Variants in GRID2 observed in about 807,000 individuals in gnomAD.
The protein encoded by GRID2 is glutamate receptor ionotropic, delta-2.
Under a neutral mutation model 114.8 loss-of-function variants are expected in GRID2, and 33 were observed. The observed-to-expected ratio is 0.29, with a 90% CI of 0.22 to 0.38. The LOEUF (loss-of-function observed/expected upper bound fraction) is 0.38, where lower values mean the gene tolerates loss of function less well. Ranked by LOEUF, GRID2 falls within the 10% of genes least tolerant of loss-of-function variation. GRID2 has a pLI of 1.00. For missense variants in GRID2, 1,184 were observed against 1,257.7 expected (o/e 0.94, Z 0.89); for synonymous variants, 505 against 449.9 (o/e 1.12, Z -1.55).
At chr4:92,590,428 T>G in intron 2 of GRID2, 142 bp downstream of exon 2, 1 of 590,154 alleles carries the variant, frequency 1.7e-6, no homozygotes, top group African/African-American at 1.9e-5. Context: ...GATCACTGTT[T>G]TGTAGATGTT....
intron 2 of GRID2, among the ~76,000 whole-genome samples, chr4:92,793,218 C>T (rs187919565): frequency 6.6e-6 from 1 of 151,762 alleles, no homozygotes; most frequent in African/African-American, 2.4e-5. Flanking sequence ...CTTTCACATC[C>T]TATGGTTGTG....
intron 1 of GRID2, among the ~76,000 whole-genome samples, chr4:92,544,360 C>T (rs991112472): frequency 1.3e-5 from 2 of 152,084 alleles, no homozygotes; most frequent in Non-Finnish European, 2.9e-5. Flanking sequence ...TTGAGTCGTA[C>T]AACTGGTATT....
At chr4:93,246,455 C>T (rs575621471) in intron 8 of GRID2, among the ~76,000 whole-genome samples, 6 of 151,614 alleles carry the variant, frequency 4.0e-5, no homozygotes, top group South Asian at 2.1e-4. Context: ...GGTGTGGTGG[C>T]GGGCACCTGC....
chr4:92,398,417 C>T (rs1368108776), intron 1 of GRID2, among the ~76,000 whole-genome samples: 1 of 152,212 alleles, frequency 6.6e-6, no homozygotes, highest in South Asian at 2.1e-4. Flanking sequence ...CCTCCTGCCT[C>T]GGCCTCCAGA....
chr4:93,430,601 A>G (rs1384051492), intron 10 of GRID2, among the ~76,000 whole-genome samples: 1 of 152,240 alleles, frequency 6.6e-6, no homozygotes, highest in African/African-American at 2.4e-5. Flanking sequence ...CATTTTGTTG[A>G]TGGTCTCTAT....
At chr4:92,332,353 T>C (rs899525482) in intron 1 of GRID2, among the ~76,000 whole-genome samples, 1 of 152,022 alleles carries the variant, frequency 6.6e-6, no homozygotes, top group Non-Finnish European at 1.5e-5. Context: ...CAGCATTAGA[T>C]CATTCATGAA....
At chr4:92,723,121 T>C (rs1735892723) in intron 2 of GRID2, among the ~76,000 whole-genome samples, 1 of 152,022 alleles carries the variant, frequency 6.6e-6, no homozygotes, top group Non-Finnish European at 1.5e-5. Flanking sequence ...CCCCCAAATA[T>C]CTTCATTTAT....
At chr4:93,632,717 T>C (rs1032760358) in intron 14 of GRID2, among the ~76,000 whole-genome samples, 2 of 152,158 alleles carry the variant, frequency 1.3e-5, no homozygotes, top group African/African-American at 2.4e-5. Flanking sequence ...TTTGGTTCCA[T>C]ATGAACTTTC....
intron 14 of GRID2, among the ~76,000 whole-genome samples, chr4:93,701,925 A>C (rs1356827148): frequency 1.3e-5 from 2 of 152,106 alleles, no homozygotes; most frequent in African/African-American, 4.8e-5. Context: ...AGATAATATA[A>C]TCAGTAATTA....
chr4:92,865,097 C>A (rs561001932), intron 2 of GRID2, among the ~76,000 whole-genome samples: 2 of 152,176 alleles, frequency 1.3e-5, no homozygotes, highest in Admixed American at 1.3e-4. Context: ...TGTCTTAACT[C>A]GAGTGAGGTT....
intron 13 of GRID2, among the ~76,000 whole-genome samples, chr4:93,621,133 A>T (rs934128506): frequency 2.0e-5 from 3 of 152,188 alleles, no homozygotes; most frequent in Admixed American, 1.3e-4. Context: ...AGTAAAATTG[A>T]ATTTAAACAA....
At chr4:93,703,722 A>G (rs1000598172) in intron 14 of GRID2, among the ~76,000 whole-genome samples, 3 of 134,314 alleles carry the variant, frequency 2.2e-5, no homozygotes, top group Admixed American at 8.8e-5. Context: ...TTCAATTCCC[A>G]CCTATGAGTG....
intron 2 of GRID2, among the ~76,000 whole-genome samples, chr4:92,775,680 C>T (rs1427190303): frequency 6.6e-6 from 1 of 152,086 alleles, no homozygotes; most frequent in Non-Finnish European, 1.5e-5. Context: ...ACCTAGACTA[C>T]CTGGCAAGAG....
chr4:92,521,520 T>C (rs191226132), intron 1 of GRID2, among the ~76,000 whole-genome samples: 1 of 152,122 alleles, frequency 6.6e-6, no homozygotes, highest in Non-Finnish European at 1.5e-5. Flanking sequence ...GAGCTATTAT[T>C]GTCCTTATCT....
intron 13 of GRID2, among the ~76,000 whole-genome samples, chr4:93,577,358 A>G (rs1184730814): frequency 6.6e-6 from 1 of 152,174 alleles, no homozygotes. Context: ...CCACTAAAAA[A>G]CCACAGTGAT....
chr4:93,213,081 G>T (rs1743751922), intron 5 of GRID2, among the ~76,000 whole-genome samples: 1 of 151,960 alleles, frequency 6.6e-6, no homozygotes, highest in South Asian at 2.1e-4. Context: ...CCAGTTTGGG[G>T]GGTTTTGTTG....
chr4:93,538,993 A>G (rs1732387077), intron 13 of GRID2, among the ~76,000 whole-genome samples: 1 of 151,820 alleles, frequency 6.6e-6, no homozygotes, highest in African/African-American at 2.4e-5. Flanking sequence ...AATGTAAGAT[A>G]TTAATATTAG....
chr4:93,126,743 G>A (rs982037294), intron 4 of GRID2, among the ~76,000 whole-genome samples: 11 of 150,098 alleles, frequency 7.3e-5, no homozygotes, highest in African/African-American at 2.7e-4. Flanking sequence ...GACTACAGGC[G>A]CCCGCTACCA....
chr4:92,989,127 A>C (rs1297635437), intron 2 of GRID2, among the ~76,000 whole-genome samples: 6 of 151,904 alleles, frequency 3.9e-5, no homozygotes, highest in African/African-American at 1.5e-4. Context: ...AATACAAAAA[A>C]TTAGCCGGGT....
Sources: allele counts gnomAD v4.1 joint callset (sites outside exome capture counted in the v4.1 genomes callset), GRCh38; gene constraint gnomAD v4.1.1; transcripts MANE v1.5; gene names NCBI Gene and HGNC (gene_info 2026-07-23, HGNC 2026-07-21).